The following EIF4G3 variants were observed in gnomAD, a reference collection of about 807,000 sequenced individuals.
EIF4G3 encodes the protein eIF-4-gamma 3.
A neutral mutation model predicts 186.4 loss-of-function variants in EIF4G3; 34 were observed. That is an observed-to-expected ratio of 0.18 (90% confidence interval 0.14 to 0.24). The LOEUF is 0.24. Ranked by LOEUF, EIF4G3 falls within the 10% of genes least tolerant of loss-of-function variation. The pLI is 1.00. For missense variants in EIF4G3, 1,536 were observed against 1,948.5 expected (o/e 0.79, Z 3.99); for synonymous variants, 673 against 679.5 (o/e 0.99, Z 0.15).
intron 3 of EIF4G3, among the ~76,000 whole-genome samples, chr1:21,052,965 G>C (rs569472884): frequency 4.4e-4 from 61 of 137,654 alleles, no homozygotes; most frequent in African/African-American, 6.5e-4. Context: ...CCTTGGCCCC[G>C]CAAAGTGCCG....
At chr1:21,117,091 T>C (rs1163821014) in intron 2 of EIF4G3, among the ~76,000 whole-genome samples, 2 of 152,130 alleles carry the variant, frequency 1.3e-5, no homozygotes, top group Non-Finnish European at 2.9e-5. Context: ...TATTTCACCT[T>C]AATGGTTAAC....
chr1:20,943,018 CT>C (rs1316757204), intron 13 of EIF4G3, among the ~76,000 whole-genome samples: 1 of 152,140 alleles, frequency 6.6e-6, no homozygotes, highest in Non-Finnish European at 1.5e-5. Context: ...ATGGAAATTG[CT>C]GGGCTTGGTG....
chr1:21,072,427 G>A (rs2095470248), intron 3 of EIF4G3, among the ~76,000 whole-genome samples: 1 of 151,720 alleles, frequency 6.6e-6, no homozygotes, highest in African/African-American at 2.4e-5. Context: ...ATTTTGAGAT[G>A]GAGTCTCACT....
chr1:21,034,284 G>C (rs1366063230), intron 4 of EIF4G3, among the ~76,000 whole-genome samples: 1 of 152,096 alleles, frequency 6.6e-6, no homozygotes, highest in Admixed American at 6.5e-5. Flanking sequence ...CACAAATATT[G>C]CTCTTACTTA....
At chr1:20,878,995 T>TG (rs371681648) in intron 20 of EIF4G3, among the ~76,000 whole-genome samples, 1 of 152,290 alleles carries the variant, frequency 6.6e-6, no homozygotes, top group East Asian at 1.9e-4. Context: ...AGCACGCATT[T>TG]GCTTGCTTTC....
intron 7 of EIF4G3, among the ~76,000 whole-genome samples, chr1:20,986,785 A>G (rs1478439057): frequency 2.7e-5 from 4 of 150,128 alleles, no homozygotes; most frequent in Admixed American, 2.0e-4. Flanking sequence ...AACTTGACAT[A>G]AATGTCACTT....
At chr1:20,876,443 TAA>T (rs386366428) in intron 20 of EIF4G3, among the ~76,000 whole-genome samples, 4 of 80,868 alleles carry the variant, frequency 4.9e-5, no homozygotes, top group Admixed American at 1.3e-4. Context: ...ATTTATTAAG[TAA>T]AAAAAAAAAA....
chr1:21,072,638 G>T (rs932719931), intron 3 of EIF4G3, among the ~76,000 whole-genome samples: 2 of 152,042 alleles, frequency 1.3e-5, no homozygotes, highest in Non-Finnish European at 2.9e-5. Flanking sequence ...TCCTGACCTC[G>T]TGACCCGCCC....
chr1:21,049,099 A>G (rs1187029996), intron 4 of EIF4G3, among the ~76,000 whole-genome samples: 1 of 152,236 alleles, frequency 6.6e-6, no homozygotes, highest in Non-Finnish European at 1.5e-5. Context: ...ACAGATATGC[A>G]GTAAGGAGCC....
chr1:20,993,398 C>T (rs954719993), intron 7 of EIF4G3, among the ~76,000 whole-genome samples: 5 of 151,690 alleles, frequency 3.3e-5, no homozygotes, highest in African/African-American at 1.2e-4. Context: ...CCATCTTACA[C>T]AGAAAAAATA....
At chr1:21,012,801 T>C (rs549863622) in intron 4 of EIF4G3, among the ~76,000 whole-genome samples, 59 of 152,158 alleles carry the variant, frequency 3.9e-4, no homozygotes, top group African/African-American at 1.4e-3. Flanking sequence ...AGAACCACCA[T>C]AGGAACATAT....
intron 18 of EIF4G3, among the ~76,000 whole-genome samples, chr1:20,887,291 T>C (rs2084511809): frequency 6.6e-6 from 1 of 151,946 alleles, no homozygotes; most frequent in Non-Finnish European, 1.5e-5. Flanking sequence ...AAAAACTTCA[T>C]ACAAAGCACA....
chr1:20,999,684 C>T (rs957870832), intron 6 of EIF4G3: 9 of 438,624 alleles, frequency 2.1e-5, no homozygotes, highest in Non-Finnish European at 2.7e-5. Flanking sequence ...GGAAAGTGCC[C>T]TAGGAAAGTA....
intron 4 of EIF4G3, among the ~76,000 whole-genome samples, chr1:21,008,700 TACTC>T (rs1208802173): frequency 1.3e-5 from 2 of 152,220 alleles, no homozygotes; most frequent in African/African-American, 2.4e-5. Flanking sequence ...AAGAAGCACT[TACTC>T]AGCCACAGTG....
At position 20,912,169 on chromosome 1, in the gene EIF4G3, C is replaced by T. The variant is rs534149658; in HGVS notation, c.1664-7198G>A. Among the ~76,000 whole-genome samples the T allele has an allele frequency of 1.8e-4, 27 of 152,242 alleles. 1 individual carries two copies. The East Asian group carries it at 3.9e-3, about 22-fold the overall frequency. On this transcript the variant is annotated intron_variant, in intron 14 of 36. Transcript: ENST00000602326. Reference sequence around the variant, plus strand: ...TCATGCACCTGTGGTCCAAGCTACTCAGGAGGCTGAGGCAAGAAGATTGCC... The same window carrying T: ...TCATGCACCTGTGGTCCAAGCTACTTAGGAGGCTGAGGCAAGAAGATTGCC...
At chr1:21,015,207 T>C (rs1156718553) in intron 4 of EIF4G3, among the ~76,000 whole-genome samples, 1 of 152,070 alleles carries the variant, frequency 6.6e-6, no homozygotes, top group Non-Finnish European at 1.5e-5. Flanking sequence ...AATGAAAAGT[T>C]ATTTGAAATA....
chr1:20,810,694 T>TC lies in EIF4G3; in HGVS notation c.4744+43dup. On this transcript the variant is annotated intron_variant, in intron 36 of 36. Transcript: ENST00000602326. This position sits in a 1 kb window ranked among gnomAD's most constrained non-coding sequence, Gnocchi z 4.1. ...ATCTCTAAGTCCTGGCTTGGATAAA[T>TC]CTCACTCATTGGTTAGATTAACTGT... is the stretch of plus-strand genomic sequence containing the variant. 2 of 1,599,182 alleles carry TC rather than the reference T, an allele frequency of 1.3e-6. No homozygotes were observed. The highest frequency in any genetic ancestry group is 2.2e-5 in the South Asian group (2 of 90,638).
rs748295917 is a variant in EIF4G3, at chr1:20,886,289, T to G, written c.2336A>C (p.Asp779Ala). 6.2e-7 allele frequency: 1 copy of G among 1,614,146 alleles called. No homozygotes were observed. The highest frequency in any genetic ancestry group is 8.5e-7 in the Non-Finnish European group (1 of 1,179,990). The change falls in exon 19 of 37, where the codon GAT becomes GCT. Residue 779 changes from aspartate (D) to alanine (A), a missense_variant. By Grantham distance (126) the Asp-to-Ala change is moderately radical. Coordinates refer to ENST00000602326, the MANE Select transcript of EIF4G3 (RefSeq NM_001391906.1). ...ATTTTCTGCCTTTTTCAGGTGTACA[T>G]CTTCTTTTACAGAAACTGTGATGAT... ...RKIITVSVKEDVHLKKAENAW... is the reference protein window; with the variant it reads ...RKIITVSVKEAVHLKKAENAW...
intron 2 of EIF4G3, among the ~76,000 whole-genome samples, chr1:21,134,332 G>A (rs1001729698): frequency 6.6e-6 from 1 of 152,070 alleles, no homozygotes; most frequent in Admixed American, 6.6e-5. Context: ...GAAATAAAAA[G>A]ACACCTAGAA....
Sources: allele counts gnomAD v4.1 joint callset (sites outside exome capture counted in the v4.1 genomes callset), GRCh38; gene constraint gnomAD v4.1.1; non-coding constraint Gnocchi (gnomAD v3.1); transcripts MANE v1.5; gene names NCBI Gene and HGNC (gene_info 2026-07-23, HGNC 2026-07-21).